Variants in TMEM175 observed in about 807,000 individuals in gnomAD.
The protein encoded by TMEM175 is transmembrane protein 175.
TMEM175 carries 36 observed loss-of-function variants against 36.5 expected under a neutral mutation model. The observed-to-expected ratio is 0.99, with a 90% CI of 0.76 to 1.30. The LOEUF (loss-of-function observed/expected upper bound fraction) is 1.30, where lower values mean the gene tolerates loss of function less well. Ranked by LOEUF, TMEM175 falls within the 50% of genes most tolerant of loss-of-function variation. TMEM175 has a pLI of 0.00. For synonymous variants in TMEM175, 339 were observed against 313.4 expected, an observed-to-expected ratio of 1.08 and a Z score of -0.86; for missense variants, 705 against 692.8, an observed-to-expected ratio of 1.02 and a Z score of -0.20.
intron 1 of TMEM175, among the ~76,000 whole-genome samples, chr4:941,836 G>A (rs567310380): frequency 1.0e-3 from 152 of 152,146 alleles, no homozygotes; most frequent in African/African-American, 3.4e-3. Context: ...TTGGGAGGCC[G>A]AGGCAGGAGA....
At chr4:948,402 C>A (rs10516157) in intron 3 of TMEM175, 4 of 1,524,876 alleles carry the variant, frequency 2.6e-6, no homozygotes, top group South Asian at 1.2e-5. Context: ...GCTCTGTTTC[C>A]GAGTTCAGTG....
chr4:938,384 A>T (rs1178928351), intron 1 of TMEM175, among the ~76,000 whole-genome samples: 1 of 152,098 alleles, frequency 6.6e-6, no homozygotes, highest in Non-Finnish European at 1.5e-5. Context: ...GGCGCCTGTA[A>T]TCCCAGCCAC....
At chr4:942,636 CTTT>C (rs879382397) in intron 1 of TMEM175, among the ~76,000 whole-genome samples, 1 of 137,698 alleles carries the variant, frequency 7.3e-6, no homozygotes, top group African/African-American at 2.7e-5. Context: ...CTTGAATTTT[CTTT>C]TTTTTTTTTT....
intron 2 of TMEM175, 94 bp from the exon 3 acceptor site, chr4:948,022 G>C (rs1359511439): frequency 6.2e-7 from 1 of 1,608,156 alleles, no homozygotes; most frequent in Non-Finnish European, 8.5e-7. Context: ...GCTTAGGGGG[G>C]CCCAGCACTG....
At chr4:947,617 TA>T in intron 1 of TMEM175, 91 bp from the exon 2 acceptor site, 1 of 967,778 alleles carries the variant, frequency 1.0e-6, no homozygotes, top group Non-Finnish European at 1.5e-6. Flanking sequence ...CCCCCCCCCA[TA>T]CCAGTCCCTG....
intron 10 of TMEM175, among the ~76,000 whole-genome samples, chr4:957,189 T>A (rs1729787915): frequency 7.4e-6 from 1 of 134,250 alleles, no homozygotes; most frequent in Non-Finnish European, 1.6e-5. Context: ...CCCCTCGCCC[T>A]CTGCGTATTG....
intron 3 of TMEM175, chr4:948,513 G>A (rs749128010): frequency 5.9e-5 from 82 of 1,394,992 alleles, no homozygotes; most frequent in African/African-American, 8.6e-5. Context: ...GAGGGCAGCT[G>A]CCCCAGCAGG....
intron 8 of TMEM175, 49 bp downstream of exon 8, chr4:953,403 A>G (rs1729216283): frequency 1.9e-6 from 3 of 1,548,364 alleles, no homozygotes; most frequent in East Asian, 2.3e-5. Flanking sequence ...GGGGGCCACC[A>G]TAGGAGCAAT....
chr4:938,197 G>A (rs897346698), intron 1 of TMEM175, among the ~76,000 whole-genome samples: 1 of 152,186 alleles, frequency 6.6e-6, no homozygotes, highest in Non-Finnish European at 1.5e-5. Flanking sequence ...TAGCCAACGT[G>A]ATGAGGCAAG....
At chr4:948,617 T>C (rs1577417158) in intron 3 of TMEM175, 3 of 1,285,668 alleles carry the variant, frequency 2.3e-6, no homozygotes, top group African/African-American at 3.0e-5. Flanking sequence ...GGCCTGGAGG[T>C]GAGCGGGAAA....
chr4:952,529 G>T (rs1290601779), intron 7 of TMEM175, 79 bp downstream of exon 7: 1 of 1,398,684 alleles, frequency 7.1e-7, no homozygotes, highest in Admixed American at 1.8e-5. Context: ...ATCACCATCG[G>T]GGTCGTGCAG....
At chr4:957,252 T>C (rs3733344) in intron 10 of TMEM175, among the ~76,000 whole-genome samples, 2 of 151,414 alleles carry the variant, frequency 1.3e-5, no homozygotes, top group African/African-American at 4.8e-5. Context: ...TGTCCTTCAC[T>C]TCCCGATGTT....
chr4:945,806 C>A (rs184867858), intron 1 of TMEM175, among the ~76,000 whole-genome samples: 28 of 152,270 alleles, frequency 1.8e-4, no homozygotes, highest in African/African-American at 6.7e-4. Context: ...CTGAAGAGGT[C>A]TCCGCCCCTT....
At chr4:956,476 T>G in intron 10 of TMEM175, 2 of 1,267,590 alleles carry the variant, frequency 1.6e-6, no homozygotes, top group Non-Finnish European at 2.0e-6. Context: ...ACAGTCCTGC[T>G]GTGTCGCCCA....
intron 1 of TMEM175, among the ~76,000 whole-genome samples, chr4:936,724 G>A (rs1200700264): frequency 6.6e-6 from 1 of 152,182 alleles, no homozygotes; most frequent in Non-Finnish European, 1.5e-5. Context: ...GGGAGGCCAA[G>A]GCAGGTGGAT....
chr4:933,066 G>A (rs931377858), intron 1 of TMEM175, among the ~76,000 whole-genome samples: 4 of 152,228 alleles, frequency 2.6e-5, no homozygotes, highest in Non-Finnish European at 5.9e-5. Flanking sequence ...GGAAGGGTTC[G>A]TAATGCCCAA....
intron 1 of TMEM175, among the ~76,000 whole-genome samples, chr4:941,434 T>C (rs1317976083): frequency 1.3e-5 from 2 of 149,522 alleles, no homozygotes; most frequent in African/African-American, 4.9e-5. Flanking sequence ...TTCTGCTCTA[T>C]TTTTCTTTTT....
intron 10 of TMEM175, chr4:956,091 C>A: frequency 1.3e-6 from 1 of 792,380 alleles, no homozygotes; most frequent in Non-Finnish European, 1.9e-6. Context: ...TCCCAGCGGC[C>A]CCTCCCTTCC....
chr4:935,651 A>T (rs1394752913), intron 1 of TMEM175, among the ~76,000 whole-genome samples: 2 of 152,262 alleles, frequency 1.3e-5, no homozygotes, highest in African/African-American at 4.8e-5. Flanking sequence ...CTTGAACATG[A>T]CTGTCAGCCA....
Sources: gnomAD v4.1 joint callset for allele counts (sites outside exome capture counted in the v4.1 genomes callset) on GRCh38, gnomAD v4.1.1 for gene constraint, MANE v1.5 for transcripts, NCBI Gene and HGNC (gene_info 2026-07-23, HGNC 2026-07-21) for gene names.